SUGCT: variants seen among roughly 807,000 people sequenced by gnomAD.
SUGCT encodes the protein succinyl-CoA:glutarate-CoA transferase, also known as succinyl-CoA:glutarate CoA-transferase.
A neutral mutation model predicts 55.0 loss-of-function variants in SUGCT; 41 were observed. The ratio of observed to expected loss-of-function variants is 0.74; its 90% CI spans 0.58 to 0.97. The LOEUF (loss-of-function observed/expected upper bound fraction) is 0.97. Ranked by LOEUF, SUGCT falls within the 50% of genes least tolerant of loss-of-function variation. The probability of loss-of-function intolerance (pLI) is 0.00; values close to 1 mark genes in which losing one functional copy is unlikely to be tolerated. For synonymous variants in SUGCT, 187 were observed against 200.4 expected (o/e 0.93, Z 0.56); for missense variants, 568 against 547.8 (o/e 1.04, Z -0.37).
Position 40,181,009 on chromosome 7 carries a change from G to C in SUGCT, c.152+11G>C, listed in dbSNP as rs757540185. 6.3e-7 allele frequency: 1 copy of C among 1,594,628 alleles called. No homozygotes were observed. Among genetic ancestry groups the C allele is most frequent in the South Asian group, 1.1e-5 (1 of 89,358 alleles). The stretch of plus-strand genomic sequence containing the variant: ...TCTGGATCTAACAAGGTTTGTATTG[G>C]TTTATCTACATTTTGGTGATTGGGT... On this transcript the variant is annotated intron_variant, in intron 2 of 13. Coordinates refer to ENST00000335693, the MANE Select transcript of SUGCT (RefSeq NM_001193313.2).
intron 9 of SUGCT, among the ~76,000 whole-genome samples, chr7:40,365,075 G>A (rs1375664473): frequency 6.6e-6 from 1 of 152,062 alleles, no homozygotes. Context: ...TGATCAAGTG[G>A]GCTTCATCCC....
chr7:40,234,199 C>T (rs947750960), intron 6 of SUGCT, among the ~76,000 whole-genome samples: 15 of 152,190 alleles, frequency 9.9e-5, no homozygotes, highest in Admixed American at 9.8e-4. Flanking sequence ...CCTGATTTTC[C>T]GAACCTAGAG....
chr7:41,004,303 G>A, the SUGCT span, among the ~76,000 whole-genome samples: 4 of 152,218 alleles, frequency 2.6e-5, no homozygotes, highest in African/African-American at 7.2e-5. Flanking sequence ...ATGGTTGGTC[G>A]AGAAGATCCA....
At chr7:40,323,930 C>T (rs1014527508) in intron 9 of SUGCT, among the ~76,000 whole-genome samples, 1 of 152,022 alleles carries the variant, frequency 6.6e-6, no homozygotes, top group Non-Finnish European at 1.5e-5. Flanking sequence ...TTTATTTTCT[C>T]CCCCTCTGAG....
At chr7:40,734,899 T>G (rs1339094865) in intron 12 of SUGCT, among the ~76,000 whole-genome samples, 3 of 152,190 alleles carry the variant, frequency 2.0e-5, no homozygotes, top group African/African-American at 7.2e-5. Context: ...GCCTAGAATC[T>G]TCAGTCTCTG....
intron 11 of SUGCT, among the ~76,000 whole-genome samples, chr7:40,484,391 G>A (rs891670260): frequency 6.6e-6 from 1 of 152,194 alleles, no homozygotes; most frequent in African/African-American, 2.4e-5. Flanking sequence ...GTGGTTAGTT[G>A]GAAAGAAGTC....
At chr7:40,460,225 C>T (rs1187377118) in intron 11 of SUGCT, among the ~76,000 whole-genome samples, 3 of 152,134 alleles carry the variant, frequency 2.0e-5, no homozygotes, top group Non-Finnish European at 4.4e-5. Flanking sequence ...TAACTTTAAA[C>T]ATTTTATAAT....
intron 13 of SUGCT, among the ~76,000 whole-genome samples, chr7:40,825,838 A>G (rs149689682): frequency 6.6e-6 from 1 of 152,332 alleles, no homozygotes; most frequent in East Asian, 1.9e-4. Flanking sequence ...CATGGCATAG[A>G]AACTCGTATT....
At position 40,439,090 on chromosome 7, in the gene SUGCT, A is replaced by G. The variant is rs867839389; in HGVS notation, c.817-10197A>G. ...TATATATATATATATATATATATAT[A>G]TATATATATATATATATATATGGAT... On this transcript the variant is annotated intron_variant, in intron 9 of 13. Coordinates refer to ENST00000335693, the MANE Select transcript of SUGCT (RefSeq NM_001193313.2). Among the ~76,000 whole-genome samples the G allele has an allele frequency of 1.1e-3, 130 of 123,334 alleles. 13 individuals are homozygous for G. Among genetic ancestry groups the G allele is most frequent in the Middle Eastern group, 3.9e-3 (1 of 258 alleles). 80.9% of individuals were successfully genotyped at this position (123,334 alleles called of 152,430 possible). A position where few individuals can be genotyped will look rare whatever the true frequency, so the allele number is the denominator to read the frequency against.
chr7:40,843,684 G>C (rs4265100), intron 13 of SUGCT, among the ~76,000 whole-genome samples: 32,982 of 151,852 alleles, frequency 0.22, 4,710 homozygotes, highest in East Asian at 0.8. Flanking sequence ...GCCAGTGTGG[G>C]TGGGGCAGAC....
chr7:40,879,240 C>G, the SUGCT span, among the ~76,000 whole-genome samples: 2 of 152,176 alleles, frequency 1.3e-5, no homozygotes, highest in Non-Finnish European at 2.9e-5. Context: ...AACCTATTTA[C>G]TAGGCAAAAT....
Position 40,149,448 on chromosome 7 carries a change from G to T in SUGCT, c.100+14328G>T, listed in dbSNP as rs368982629. ...CCAAAGCATACCTCCTTCTTGTCTG[G>T]GGACTAGATTTCCTTTGTAGGACTA... On this transcript the variant is annotated intron_variant, in intron 1 of 13. Coordinates refer to ENST00000335693, the MANE Select transcript of SUGCT (RefSeq NM_001193313.2). 6.0e-4 allele frequency among the ~76,000 whole-genome samples: 92 copies of T among 152,184 alleles called. 2 individuals carry two copies. The South Asian group carries it at 0.018, about 29-fold the overall frequency.
chr7:40,709,460 A>G (rs183869355), intron 12 of SUGCT, among the ~76,000 whole-genome samples: 1 of 152,350 alleles, frequency 6.6e-6, no homozygotes, highest in Admixed American at 6.5e-5. Flanking sequence ...TCTTAGGCAA[A>G]GTCTAGCCTT....
At chr7:40,257,084 G>A (rs1584483116) in intron 7 of SUGCT, among the ~76,000 whole-genome samples, 3 of 151,614 alleles carry the variant, frequency 2.0e-5, no homozygotes, top group South Asian at 2.1e-4. Context: ...TCTCTCTGTC[G>A]TCCAGGCTGG....
At chr7:40,994,920 C>G in the SUGCT span, among the ~76,000 whole-genome samples, 1 of 152,164 alleles carries the variant, frequency 6.6e-6, no homozygotes, top group South Asian at 2.1e-4. Context: ...ATAGTAAGCT[C>G]CTTGAGGCCC....
Position 40,219,106 on chromosome 7 carries a change from C to T in SUGCT, c.485-18529C>T, listed in dbSNP as rs181989346. ...GAGACCATGAACCCACCTGGAGGAA[C>T]GAACAACTCTGGACGCGCCACCTTT... is the stretch of plus-strand genomic sequence containing the variant. On this transcript the variant is annotated intron_variant, in intron 6 of 13. Transcript: ENST00000335693. Among the ~76,000 whole-genome samples the T allele has an allele frequency of 2.0e-3, 303 of 152,188 alleles. 2 individuals are homozygous for T. The highest frequency in any genetic ancestry group is 0.013 in the Admixed American group (192 of 15,286).
At chr7:40,524,308 A>G (rs1793698764) in intron 12 of SUGCT, among the ~76,000 whole-genome samples, 1 of 152,132 alleles carries the variant, frequency 6.6e-6, no homozygotes, top group African/African-American at 2.4e-5. Flanking sequence ...TTGTTGGCAA[A>G]GAATGCCTGT....
chr7:40,853,180 C>T (rs543638180), intron 13 of SUGCT, among the ~76,000 whole-genome samples: 12 of 151,724 alleles, frequency 7.9e-5, no homozygotes, highest in East Asian at 3.9e-4. Context: ...ATCTTGGCAC[C>T]GGGATAGATA....
intron 9 of SUGCT, among the ~76,000 whole-genome samples, chr7:40,322,443 G>A (rs1477032695): frequency 2.6e-5 from 4 of 152,112 alleles, no homozygotes; most frequent in African/African-American, 7.2e-5. Context: ...CCCTTCCCAA[G>A]GGGCAAGCTG....
Sources: allele counts gnomAD v4.1 joint callset (sites outside exome capture counted in the v4.1 genomes callset), GRCh38; gene constraint gnomAD v4.1.1; transcripts MANE v1.5; gene names NCBI Gene and HGNC (gene_info 2026-07-23, HGNC 2026-07-21).